The following PRSS57 variants were observed in gnomAD, a reference collection of about 807,000 sequenced individuals.
PRSS57 encodes the protein serine protease 57, also known as neutrophil serine protease 4.
A neutral mutation model predicts 20.6 loss-of-function variants in PRSS57; 19 were observed. The ratio of observed to expected loss-of-function variants is 0.92; its 90% CI spans 0.64 to 1.35. PRSS57 has a LOEUF of 1.35. PRSS57 is among the 40% of genes most tolerant of loss of function. The pLI is 0.00. For synonymous variants in PRSS57, 203 were observed against 176.6 expected (o/e 1.15, Z -1.19); for missense variants, 440 against 403.7 (o/e 1.09, Z -0.77).
Position 694,908 on chromosome 19 carries a change from T to C in PRSS57, c.139A>G (p.Met47Val), listed in dbSNP as rs368120302. Residue 47 changes from methionine to valine, a missense_variant, in exon 2 of 5, where the codon ATG becomes GTG. Physicochemically the swap from Met to Val is conservative, Grantham distance 21. Transcript: ENST00000329267. ...HEVTPHSRPY[M>V]ASVRFGGQHH... ...TGGCCCCCGAAGCGCACGGATGCCA[T>C]GTAGGGCCTGGAGTGGGGGGTCACC... is the stretch of plus-strand genomic sequence containing the variant. 37 of 1,600,874 alleles carry C rather than the reference T, an allele frequency of 2.3e-5. No individual in the cohort carries two copies. Among genetic ancestry groups the C allele is most frequent in the Non-Finnish European group, 3.0e-5 (35 of 1,174,286 alleles).
chr19:686,472 C>T (rs2031475974), intron 4 of PRSS57, among the ~76,000 whole-genome samples: 1 of 152,072 alleles, frequency 6.6e-6, no homozygotes, highest in Non-Finnish European at 1.5e-5. Context: ...AATCAAGTGA[C>T]TTTTCCAAGG....
chr19:688,743 C>T (rs2031547340), intron 3 of PRSS57, among the ~76,000 whole-genome samples: 1 of 151,990 alleles, frequency 6.6e-6, no homozygotes. Context: ...GGATGACTGG[C>T]ACCCACCACC....
Position 685,656 on chromosome 19 carries a change from A to G in PRSS57, c.*60T>C. On this transcript the variant is annotated 3_prime_UTR_variant, in exon 5 of 5. Transcript: ENST00000329267. The stretch of plus-strand genomic sequence containing the variant: ...GAACATCAGGCTTCCCGTGGGGCCC[A>G]GCCACGGAACATTCCAGGCCTGGAG... 2 of 1,433,656 alleles carry G rather than the reference A, an allele frequency of 1.4e-6. No homozygotes were observed. Among genetic ancestry groups the G allele is most frequent in the East Asian group, 5.0e-5 (2 of 39,670 alleles). The allele number at this position is 1,433,656 out of a possible 1,614,324, so 88.8% of individuals were successfully genotyped here.
chr19:686,033 GA>G, intron 4 of PRSS57, 111 bp from the exon 5 acceptor site: 5 of 979,494 alleles, frequency 5.1e-6, no homozygotes, highest in Non-Finnish European at 7.4e-6. Flanking sequence ...GCTCTCCAAG[GA>G]AAAAGTAAAT....
intron 3 of PRSS57, among the ~76,000 whole-genome samples, chr19:688,306 C>A (rs1254675567): frequency 6.6e-6 from 1 of 151,934 alleles, no homozygotes; most frequent in African/African-American, 2.4e-5. Context: ...GAGAAAAATT[C>A]ACCCAAAAGC....
Position 687,012 on chromosome 19 carries a change from G to T in PRSS57, c.555C>A (p.Asp185Glu), listed in dbSNP as rs374381965. 6.2e-7 allele frequency: 1 copy of T among 1,614,086 alleles called. No homozygotes were observed. The highest frequency in any genetic ancestry group is 1.1e-5 in the South Asian group (1 of 91,090). Reference sequence around the variant, plus strand: ...GGCCCTTCCAGGAGCTGTTGCAGACGTCCGGGTCCAGCACTCGGACCTTGG... The same window carrying T: ...GGCCCTTCCAGGAGCTGTTGCAGACTTCCGGGTCCAGCACTCGGACCTTGG... ...MEAKVRVLDP[D>E]VCNSSWKGHL... Residue 185 changes from aspartate to glutamate, a missense_variant, in exon 4 of 5, where the codon GAC (aspartate) becomes GAA (glutamate). By Grantham distance (45) the Asp-to-Glu change is conservative (BLOSUM62 2). Transcript: ENST00000329267.
chr19:695,017 C>A (rs769670306), intron 1 of PRSS57, 50 bp from the exon 2 acceptor site: 21 of 1,469,090 alleles, frequency 1.4e-5, no homozygotes, highest in African/African-American at 1.4e-4. Flanking sequence ...GAACGGATGA[C>A]GGGGCTGGGG....
intron 4 of PRSS57, 71 bp from the exon 5 acceptor site, chr19:685,993 C>T (rs2144805751): frequency 7.5e-7 from 1 of 1,330,756 alleles, no homozygotes; most frequent in Non-Finnish European, 1.0e-6. Context: ...ACGGCCCTCC[C>T]TGCCTCAGAA....
At chr19:693,229 C>CT (rs1171032187) in intron 2 of PRSS57, among the ~76,000 whole-genome samples, 4,466 of 108,990 alleles carry the variant, frequency 0.041, 472 homozygotes, top group South Asian at 0.066. Context: ...CCGCACCCGG[C>CT]CTTTTTTTTT....
chr19:692,113 T>C (rs2031666360), intron 2 of PRSS57, 111 bp from the exon 3 acceptor site: 2 of 1,109,058 alleles, frequency 1.8e-6, no homozygotes, highest in Non-Finnish European at 2.3e-6. Flanking sequence ...CTCACGCCTG[T>C]AATCCCAGCA....
chr19:689,183 G>A (rs1312393565), intron 3 of PRSS57, among the ~76,000 whole-genome samples: 5 of 127,186 alleles, frequency 3.9e-5, no homozygotes, highest in Non-Finnish European at 8.5e-5. Flanking sequence ...AGGTGACGAC[G>A]GGGCTGGAAG....
rs1035264445 is a variant in PRSS57 at position 690,804 on chromosome 19, A to C, written c.378+1054T>G. ...GCCAAGCTCTCCGTTGTCCCCATGC[A>C]CAGAGGCTACTGGGGGAACAAGATC... On this transcript the variant is annotated intron_variant, in intron 3 of 4. Transcript: ENST00000329267. The C allele has an allele frequency of 5.0e-5, 17 of 339,352 alleles. 1 individual carries two copies. The highest frequency in any genetic ancestry group is 4.4e-4 in the South Asian group (15 of 34,202). 21.0% of individuals were successfully genotyped at this position (339,352 alleles called of 1,614,324 possible).
Position 685,752 on chromosome 19 carries a change from C to T in PRSS57, c.813G>A (p.Leu271=). The change falls in exon 5 of 5, where the codon CTG becomes CTA. Residue 271 remains leucine, a synonymous_variant. Transcript: ENST00000329267. Reference sequence around the variant, plus strand: ...CTCCTGGGGGCCTGGTGGTCCCAGGCAGGGGGCCGGGCTGGGGACTGCTCC... The same window carrying T: ...CTCCTGGGGGCCTGGTGGTCCCAGGTAGGGGGCCGGGCTGGGGACTGCTCC... The part of the protein sequence containing the change: ...VRRSSPQPGP[L]PGTTRPPGEA... 6.4e-7 allele frequency: 1 copy of T among 1,559,320 alleles called. No homozygotes were observed. Among genetic ancestry groups the T allele is most frequent in the East Asian group, 2.4e-5 (1 of 41,986 alleles).
chr19:693,888 T>C (rs766514469), intron 2 of PRSS57, among the ~76,000 whole-genome samples: 11 of 152,198 alleles, frequency 7.2e-5, no homozygotes, highest in Admixed American at 2.0e-4. Flanking sequence ...TACAGGCGCC[T>C]GCCACCACAT....
intron 3 of PRSS57, among the ~76,000 whole-genome samples, chr19:687,773 A>G (rs7359915): frequency 0.4 from 60,013 of 151,780 alleles, 12,552 homozygotes; most frequent in African/African-American, 0.51. Flanking sequence ...ATTGCCCTCA[A>G]GACAAAACCT....
At chr19:691,689 C>G (rs769381782) in intron 3 of PRSS57, among the ~76,000 whole-genome samples, 169 bp downstream of exon 3, 4 of 144,260 alleles carry the variant, frequency 2.8e-5, no homozygotes, top group Non-Finnish European at 6.1e-5. Flanking sequence ...CTTGGTGGCG[C>G]GCACCTGTAA....
intron 2 of PRSS57, among the ~76,000 whole-genome samples, chr19:694,121 C>T (rs62131273): frequency 0.41 from 62,843 of 151,640 alleles, 14,729 homozygotes; most frequent in Middle Eastern, 0.53. Context: ...AACAATCCAC[C>T]GTGTCCCAAC....
intron 3 of PRSS57, among the ~76,000 whole-genome samples, chr19:690,082 G>A (rs1256491476): frequency 2.5e-5 from 2 of 78,500 alleles, no homozygotes; most frequent in African/African-American, 5.8e-5. Context: ...GGAGGCAGAG[G>A]TGGGCGGATC....
At chr19:685,956 T>A (rs1184907708) in intron 4 of PRSS57, 34 bp from the exon 5 acceptor site, 16 of 1,500,650 alleles carry the variant, frequency 1.1e-5, no homozygotes, top group Non-Finnish European at 1.3e-5. Flanking sequence ...TCAGGGCCTC[T>A]GGGAGCTGCT....
Sources: gnomAD v4.1 joint callset for allele counts (sites outside exome capture counted in the v4.1 genomes callset) on GRCh38, gnomAD v4.1.1 for gene constraint, MANE v1.5 for transcripts, NCBI Gene and HGNC (gene_info 2026-07-23, HGNC 2026-07-21) for gene names.